TUBGCP3: variants seen among roughly 807,000 people sequenced by gnomAD.
TUBGCP3 encodes tubulin gamma complex component 3, also known as gamma-tubulin complex component 3.
TUBGCP3 carries 50 observed loss-of-function variants against 123.1 expected under a neutral mutation model. That is an observed-to-expected ratio of 0.41 (90% CI 0.32 to 0.51). The LOEUF (loss-of-function observed/expected upper bound fraction) is 0.51. TUBGCP3 is among the 20% of genes least tolerant of loss of function. The pLI, the probability that TUBGCP3 is intolerant of heterozygous loss-of-function variation, is 0.36. For missense variants in TUBGCP3, 882 were observed against 1,127.0 expected, an observed-to-expected ratio of 0.78 and a Z score of 3.11; for synonymous variants, 405 against 413.9, an observed-to-expected ratio of 0.98 and a Z score of 0.26.
chr13:112,516,064 A>G (rs1051113303), intron 17 of TUBGCP3, among the ~76,000 whole-genome samples: 1 of 152,244 alleles, frequency 6.6e-6, no homozygotes, highest in Non-Finnish European at 1.5e-5. Context: ...AATCTTGACT[A>G]TCTGATACCT....
intron 10 of TUBGCP3, chr13:112,547,342 A>G: frequency 2.3e-6 from 1 of 427,372 alleles, no homozygotes. Context: ...TACCATATAA[A>G]TACTGGGCCA....
At chr13:112,548,348 A>G (rs911912366) in intron 8 of TUBGCP3, among the ~76,000 whole-genome samples, 172 bp from the exon 9 acceptor site, 2 of 152,186 alleles carry the variant, frequency 1.3e-5, no homozygotes, top group African/African-American at 4.8e-5. Context: ...TATATATTTT[A>G]ATAATATGAA....
At chr13:112,591,974 C>A (rs185040783), upstream of TUBGCP3, among the ~76,000 whole-genome samples, 4 of 151,612 alleles carry the variant, frequency 2.6e-5, no homozygotes, top group Non-Finnish European at 2.9e-5. Context: ...ACTGGAGATA[C>A]GGGATGGAAC....
In TUBGCP3 at chr13:112,548,273, T is replaced by TG. The variant is rs990095191; in HGVS notation, c.967-98dup. ...ATAATGCGTTTAGATAAAGTTCAGGTGGGGTGCTACAAGATTTAAATTCAG... is the reference window on the plus strand; with the variant it reads ...ATAATGCGTTTAGATAAAGTTCAGGTGGGGGTGCTACAAGATTTAAATTCAG... On this transcript the variant is annotated intron_variant, in intron 8 of 21. Transcript: ENST00000261965. 4 of 829,768 alleles carry TG rather than the reference T, an allele frequency of 4.8e-6. No individual in the cohort carries two copies. The African/African-American group carries it at 5.1e-5, about 11-fold the overall frequency. 51.4% of individuals were successfully genotyped at this position (829,768 alleles called of 1,614,324 possible).
chr13:112,578,957 GC>G (rs1414520509), intron 1 of TUBGCP3, among the ~76,000 whole-genome samples: 1 of 152,162 alleles, frequency 6.6e-6, no homozygotes, highest in Non-Finnish European at 1.5e-5. Context: ...TTTGAGTTTG[GC>G]AGAGTTCCTA....
At chr13:112,599,456 T>C in the TUBGCP3 span, among the ~76,000 whole-genome samples, 2 of 152,206 alleles carry the variant, frequency 1.3e-5, no homozygotes, top group Non-Finnish European at 2.9e-5. Flanking sequence ...TTTATGGGCA[T>C]TTAGTTTATA....
chr13:112,597,505 A>T, the TUBGCP3 span, among the ~76,000 whole-genome samples: 27 of 152,356 alleles, frequency 1.8e-4, no homozygotes, highest in African/African-American at 6.5e-4. Flanking sequence ...AAACCAAGAG[A>T]AACAACAGAA....
chr13:112,577,761 T>A (rs550002141), intron 1 of TUBGCP3, among the ~76,000 whole-genome samples: 133 of 152,370 alleles, frequency 8.7e-4, no homozygotes, highest in South Asian at 1.0e-3. Context: ...AACATTTTTT[T>A]AAAATATATT....
Position 112,527,429 on chromosome 13 carries a change from T to A in TUBGCP3, c.1391A>T (p.Tyr464Phe). 1.2e-6 allele frequency: 2 copies of A among 1,608,384 alleles called. No individual in the cohort carries two copies. The highest frequency in any genetic ancestry group is 1.7e-6 in the Non-Finnish European group (2 of 1,178,520). The change falls in exon 12 of 22, where the codon TAT (tyrosine) becomes TTT (phenylalanine). Residue 464 changes from tyrosine to phenylalanine, a missense_variant. Tyr to Phe is a conservative substitution (Grantham distance 22, BLOSUM62 3). Coordinates refer to ENST00000261965, the MANE Select transcript of TUBGCP3 (RefSeq NM_006322.6). ...VKTDRLWHDKYTLRKSMIPSF... is the reference protein window; with the variant it reads ...VKTDRLWHDKFTLRKSMIPSF... ...AGGAATCATCGATTTCCTCAAAGTA[T>A]ACTTGTCGTGCCACAGTCGATCTGT...
At chr13:112,501,467 G>A (rs969461156) in intron 19 of TUBGCP3, among the ~76,000 whole-genome samples, 4 of 152,126 alleles carry the variant, frequency 2.6e-5, no homozygotes, top group African/African-American at 9.7e-5. Flanking sequence ...CAACATCAGT[G>A]GTACCAATTC....
intron 8 of TUBGCP3, among the ~76,000 whole-genome samples, chr13:112,548,381 A>G (rs899109461): frequency 2.6e-5 from 4 of 152,216 alleles, no homozygotes; most frequent in South Asian, 2.1e-4. Context: ...CCTTAGTACA[A>G]AAAGCATGAA....
Position 112,511,228 on chromosome 13 carries a change from G to A in TUBGCP3, c.2086+5212C>T, listed in dbSNP as rs560657606. On this transcript the variant is annotated intron_variant, in intron 17 of 21. Coordinates refer to ENST00000261965, the MANE Select transcript of TUBGCP3 (RefSeq NM_006322.6). This position sits in a 1 kb window ranked among gnomAD's most constrained non-coding sequence, Gnocchi z 4.1. Reference sequence around the variant, plus strand: ...GCGGGAAACACCCTCTGAACCCACCGCTCAGATGGGCCCCTCACAGGGCAC... The same window carrying A: ...GCGGGAAACACCCTCTGAACCCACCACTCAGATGGGCCCCTCACAGGGCAC... 5.3e-5 allele frequency among the ~76,000 whole-genome samples: 8 copies of A among 152,242 alleles called. No individual in the cohort carries two copies. Among genetic ancestry groups the A allele is most frequent in the African/African-American group, 1.9e-4 (8 of 41,554 alleles).
intron 1 of TUBGCP3, among the ~76,000 whole-genome samples, chr13:112,585,828 C>A (rs750577212): frequency 6.6e-6 from 1 of 151,948 alleles, no homozygotes; most frequent in Non-Finnish European, 1.5e-5. Context: ...TGAGAGCCCA[C>A]TTTTAGACAC....
At chr13:112,530,943 GA>G (rs952789776) in intron 11 of TUBGCP3, among the ~76,000 whole-genome samples, 2 of 151,592 alleles carry the variant, frequency 1.3e-5, no homozygotes, top group Non-Finnish European at 2.9e-5. Flanking sequence ...TTTTCTATTA[GA>G]AAAAAAACAC....
rs1882759155 is a variant in TUBGCP3, at chr13:112,588,062, C to G, written c.-82G>C. The G allele has an allele frequency of 1.7e-6, 2 of 1,204,138 alleles. No individual in the cohort carries two copies. The highest frequency in any genetic ancestry group is 1.1e-6 in the Non-Finnish European group (1 of 924,688). 74.6% of individuals were successfully genotyped at this position (1,204,138 alleles called of 1,614,324 possible). On this transcript the variant is annotated 5_prime_UTR_variant, in exon 1 of 22. Coordinates refer to ENST00000261965, the MANE Select transcript of TUBGCP3 (RefSeq NM_006322.6). The stretch of plus-strand genomic sequence containing the variant: ...GCAGGGACCGCGGCCCGCGCCCTTC[C>G]TGCGCCCCGCAAGCTCCCTGCTCCT...
intron 3 of TUBGCP3, among the ~76,000 whole-genome samples, chr13:112,561,149 A>T (rs1049488359): frequency 2.0e-5 from 3 of 152,206 alleles, no homozygotes; most frequent in African/African-American, 7.2e-5. Flanking sequence ...AACATGCTGG[A>T]GGGGACAACA....
intron 19 of TUBGCP3, among the ~76,000 whole-genome samples, chr13:112,500,494 C>T (rs192844192): frequency 1.1e-4 from 16 of 152,216 alleles, no homozygotes; most frequent in African/African-American, 3.4e-4. Context: ...AAAAAATATG[C>T]GCCAAGAAAA....
At chr13:112,578,839 C>T (rs1235460512) in intron 1 of TUBGCP3, among the ~76,000 whole-genome samples, 1 of 152,144 alleles carries the variant, frequency 6.6e-6, no homozygotes, top group Non-Finnish European at 1.5e-5. Context: ...CAGACTTCGT[C>T]ACCCCCACGA....
At chr13:112,516,636 G>GC (rs1566545704) in intron 16 of TUBGCP3, 61 bp from the exon 17 acceptor site, 1 of 1,512,170 alleles carries the variant, frequency 6.6e-7, no homozygotes, top group African/African-American at 1.4e-5. Flanking sequence ...CTCAGTACAG[G>GC]TCTCAATCTT....
Sources: allele counts gnomAD v4.1 joint callset (sites outside exome capture counted in the v4.1 genomes callset), GRCh38; gene constraint gnomAD v4.1.1; non-coding constraint Gnocchi (gnomAD v3.1); transcripts MANE v1.5; gene names NCBI Gene and HGNC (gene_info 2026-07-23, HGNC 2026-07-21).